TCERG1L: variants seen among roughly 807,000 people sequenced by gnomAD.
TCERG1L encodes transcription elongation regulator 1-like protein.
TCERG1L carries 37 observed loss-of-function variants against 56.3 expected under a neutral mutation model. The observed-to-expected ratio is 0.66, with a 90% CI of 0.51 to 0.87. The LOEUF is 0.87. TCERG1L is among the 40% of genes least tolerant of loss of function. The pLI, the probability that TCERG1L is intolerant of heterozygous loss-of-function variation, is 0.00. For synonymous variants in TCERG1L, 324 were observed against 326.3 expected (o/e 0.99, Z 0.08); for missense variants, 799 against 774.2 (o/e 1.03, Z -0.38).
rs150146280 is a variant in TCERG1L at position 131,184,500 on chromosome 10, G to A, written c.857-17615C>T. Among the ~76,000 whole-genome samples, 59 of 152,310 alleles carry A rather than the reference G, an allele frequency of 3.9e-4. No individual in the cohort carries two copies. The East Asian group carries it at 7.7e-3, about 20-fold the overall frequency. On this transcript the variant is annotated intron_variant, in intron 4 of 11. Coordinates refer to ENST00000368642, the MANE Select transcript of TCERG1L (RefSeq NM_174937.4). ...AGCAAATAAATTTGAAACTGCATGC[G>A]ATATTTGGCAAGAGTCAAGGCAGCT...
chr10:131,142,337 C>T (rs1222465014), intron 7 of TCERG1L, among the ~76,000 whole-genome samples: 3 of 152,208 alleles, frequency 2.0e-5, no homozygotes, highest in African/African-American at 7.2e-5. Flanking sequence ...CCCCCAAGTG[C>T]CCCGGCTGCC....
intron 3 of TCERG1L, among the ~76,000 whole-genome samples, chr10:131,298,811 TGTAAA>T (rs1279796103): frequency 1.3e-5 from 2 of 152,254 alleles, no homozygotes; most frequent in Non-Finnish European, 2.9e-5. Flanking sequence ...GCCCTGTTAC[TGTAAA>T]GTAGACTGTT....
At chr10:131,251,101 T>TG (rs1313205359) in intron 4 of TCERG1L, among the ~76,000 whole-genome samples, 55 of 152,170 alleles carry the variant, frequency 3.6e-4, no homozygotes, top group African/African-American at 1.3e-3. Flanking sequence ...TCATCTTTGC[T>TG]GTATGGTGCC....
At position 131,201,014 on chromosome 10, in the gene TCERG1L, G is replaced by A. The variant is rs143544442; in HGVS notation, c.857-34129C>T. Among the ~76,000 whole-genome samples the A allele has an allele frequency of 3.2e-3, 493 of 152,222 alleles. 2 individuals are homozygous for A. Among genetic ancestry groups the A allele is most frequent in the African/African-American group, 0.01 (429 of 41,554 alleles). On this transcript the variant is annotated intron_variant, in intron 4 of 11. Coordinates refer to ENST00000368642, the MANE Select transcript of TCERG1L (RefSeq NM_174937.4). The stretch of plus-strand genomic sequence containing the variant: ...TCCCCTCGGGCGGATACAGAATCAC[G>A]GCGCCATCTTGGACGTGGAGGGCAG...
At chr10:131,263,139 C>T (rs1846249747) in intron 3 of TCERG1L, among the ~76,000 whole-genome samples, 1 of 152,040 alleles carries the variant, frequency 6.6e-6, no homozygotes, top group Non-Finnish European at 1.5e-5. Flanking sequence ...GTGGCTATGC[C>T]ATTTTGCATT....
chr10:131,204,776 C>T, intron 4 of TCERG1L, among the ~76,000 whole-genome samples: 1 of 152,214 alleles, frequency 6.6e-6, no homozygotes, highest in East Asian at 1.9e-4. Context: ...TCCCTCAGCC[C>T]CTTCACAGCC....
At chr10:131,279,254 A>C (rs1366012418) in intron 3 of TCERG1L, among the ~76,000 whole-genome samples, 5 of 152,162 alleles carry the variant, frequency 3.3e-5, no homozygotes, top group Non-Finnish European at 7.4e-5. Flanking sequence ...GACTTTACGA[A>C]GGGACAGAGG....
chr10:131,251,073 C>T (rs1056785211), intron 4 of TCERG1L, among the ~76,000 whole-genome samples: 2 of 151,710 alleles, frequency 1.3e-5, no homozygotes, highest in African/African-American at 4.8e-5. Context: ...GGCCGTGGGT[C>T]CGTCTCAGGG....
chr10:131,130,193 AGAGT>A (rs1845603408), intron 8 of TCERG1L, among the ~76,000 whole-genome samples: 1 of 151,998 alleles, frequency 6.6e-6, no homozygotes, highest in African/African-American at 2.4e-5. Flanking sequence ...GCAGGCAAGG[AGAGT>A]GTGTGCGTGG....
intron 6 of TCERG1L, among the ~76,000 whole-genome samples, chr10:131,160,118 A>T (rs1247505718): frequency 1.3e-5 from 2 of 152,156 alleles, no homozygotes; most frequent in African/African-American, 4.8e-5. Flanking sequence ...CCTAGATCTG[A>T]TTCAAGCAGT....
intron 4 of TCERG1L, among the ~76,000 whole-genome samples, chr10:131,243,957 T>C (rs1846000591): frequency 6.6e-6 from 1 of 152,154 alleles, no homozygotes; most frequent in South Asian, 2.1e-4. Flanking sequence ...AAGCTCTCTA[T>C]TTGGGGATGG....
intron 6 of TCERG1L, among the ~76,000 whole-genome samples, chr10:131,154,982 C>T (rs1589730498): frequency 1.3e-5 from 2 of 152,320 alleles, no homozygotes; most frequent in South Asian, 2.1e-4. Context: ...GTGCTCCAGG[C>T]GCTGGCGGCT....
At chr10:131,140,339 G>A (rs1402283393) in intron 7 of TCERG1L, among the ~76,000 whole-genome samples, 1 of 152,146 alleles carries the variant, frequency 6.6e-6, no homozygotes, top group Non-Finnish European at 1.5e-5. Context: ...CAGTGGCCCT[G>A]AGCTGTGTGC....
intron 4 of TCERG1L, among the ~76,000 whole-genome samples, chr10:131,219,234 G>T (rs61861217): frequency 6.6e-6 from 1 of 152,172 alleles, no homozygotes; most frequent in Non-Finnish European, 1.5e-5. Flanking sequence ...GTACACAGGG[G>T]TCCCTGAGCC....
rs1340560078 is a variant in TCERG1L at position 131,260,204 on chromosome 10, C to G, written c.856+55G>C. ...AGGCCAGGGGCATCTAACCAGGAAG[C>G]CTCCGCGCGCTCGCTAAGGCAGCAC... is the stretch of plus-strand genomic sequence containing the variant. On this transcript the variant is annotated intron_variant, in intron 4 of 11. Transcript: ENST00000368642. This position sits in a 1 kb window ranked among gnomAD's most constrained non-coding sequence, Gnocchi z 5.8. The G allele has an allele frequency of 7.7e-7, 1 of 1,296,370 alleles. No individual in the cohort carries two copies. The highest frequency in any genetic ancestry group is 9.8e-7 in the Non-Finnish European group (1 of 1,020,252). The allele number at this position is 1,296,370 out of a possible 1,614,324, so 80.3% of individuals were successfully genotyped here.
At chr10:131,258,005 A>G (rs1846191755) in intron 4 of TCERG1L, among the ~76,000 whole-genome samples, 1 of 152,228 alleles carries the variant, frequency 6.6e-6, no homozygotes, top group African/African-American at 2.4e-5. Context: ...CTTTGGAGTG[A>G]GCTGTGTTCT....
intron 4 of TCERG1L, among the ~76,000 whole-genome samples, chr10:131,257,045 GAAA>G (rs1564827249): frequency 5.0e-5 from 7 of 140,370 alleles, no homozygotes; most frequent in African/African-American, 1.6e-4. Context: ...AAGAAAGAAA[GAAA>G]GAAAGAAAAG....
chr10:131,136,120 T>G (rs1264439749), intron 7 of TCERG1L, among the ~76,000 whole-genome samples: 2 of 152,146 alleles, frequency 1.3e-5, no homozygotes, highest in Non-Finnish European at 2.9e-5. Flanking sequence ...CCTCCCCAGT[T>G]GAGAGCCACT....
At chr10:131,288,200 AAAG>A (rs1846566881) in intron 3 of TCERG1L, among the ~76,000 whole-genome samples, 1 of 152,028 alleles carries the variant, frequency 6.6e-6, no homozygotes, top group African/African-American at 2.4e-5. Context: ...ACATAACACA[AAAG>A]AAGTGTTTCT....
Sources: allele counts gnomAD v4.1 joint callset (sites outside exome capture counted in the v4.1 genomes callset), GRCh38; gene constraint gnomAD v4.1.1; non-coding constraint Gnocchi (gnomAD v3.1); transcripts MANE v1.5; gene names NCBI Gene and HGNC (gene_info 2026-07-23, HGNC 2026-07-21).